The following ERFL variants were observed in gnomAD, a reference collection of about 807,000 sequenced individuals.
The protein encoded by ERFL is ETS domain-containing transcription factor ERF-like.
Under a neutral mutation model 27.9 loss-of-function variants are expected in ERFL, and 8 were observed. That is an observed-to-expected ratio of 0.29 (90% confidence interval 0.17 to 0.52). The LOEUF (loss-of-function observed/expected upper bound fraction) is 0.52, where lower values mean the gene tolerates loss of function less well. Among genes scored for constraint, ERFL ranks in the 20% least tolerant of loss-of-function variants. The pLI, the probability that ERFL is intolerant of heterozygous loss-of-function variation, is 0.97. For missense variants in ERFL, 294 were observed against 444.4 expected (o/e 0.66, Z 3.04); for synonymous variants, 174 against 202.8 (o/e 0.86, Z 1.21).
Position 41,928,332 on chromosome 19 carries a change from A to T in ERFL, c.-306T>A, listed in dbSNP as rs2074884310. The stretch of plus-strand genomic sequence containing the variant: ...GAGAGAGACAGCGAGATAGACGCGC[A>T]AAGAGAGCAGAGACGGGGAGAGCTG... On this transcript the variant is annotated 5_prime_UTR_variant, in exon 1 of 6. Transcript: ENST00000597630. 6.6e-6 allele frequency: 1 copy of T among 152,180 alleles called. No homozygotes were observed. Among genetic ancestry groups the T allele is most frequent in the Admixed American group, 6.6e-5 (1 of 15,258 alleles). 9.4% of individuals were successfully genotyped at this position (152,180 alleles called of 1,614,324 possible). A position where few individuals can be genotyped will look rare whatever the true frequency, so the allele number is the denominator to read the frequency against.
At chr19:41,927,610 A>C (rs573644462) in intron 1 of ERFL, among the ~76,000 whole-genome samples, 2 of 152,042 alleles carry the variant, frequency 1.3e-5, no homozygotes, top group East Asian at 3.9e-4. Context: ...CTAGGTCCCA[A>C]ATATGCAAGC....
Position 41,917,040 on chromosome 19 carries a change from C to G in ERFL, c.-13-4108G>C, listed in dbSNP as rs1385073229. Among the ~76,000 whole-genome samples, 2 of 152,102 alleles carry G rather than the reference C, an allele frequency of 1.3e-5. No individual in the cohort carries two copies. The highest frequency in any genetic ancestry group is 2.9e-5 in the Non-Finnish European group (2 of 68,026). ...TGTGTGTGTGTGCACATATGTGACA[C>G]GTGCCCTTGTCTCAGACCTGCTTCT... is the stretch of plus-strand genomic sequence containing the variant. On this transcript the variant is annotated intron_variant, in intron 1 of 5. Transcript: ENST00000597630. The surrounding 1 kb of genome is among the most constrained non-coding windows in gnomAD (Gnocchi z 4.8).
At chr19:41,911,043 A>C (rs1555851204) in intron 2 of ERFL, among the ~76,000 whole-genome samples, 2 of 152,196 alleles carry the variant, frequency 1.3e-5, no homozygotes, top group African/African-American at 4.8e-5. Flanking sequence ...GACGGTGAAC[A>C]CAGCACCAAG....
chr19:41,927,557 T>A (rs1048911807), intron 1 of ERFL, among the ~76,000 whole-genome samples: 12 of 152,056 alleles, frequency 7.9e-5, no homozygotes, highest in Admixed American at 1.3e-4. Context: ...CTCAGATATC[T>A]AGATCTTCCG....
Position 41,908,510 on chromosome 19 carries a change from G to A in ERFL, c.783C>T (p.Gly261=). The A allele has an allele frequency of 2.4e-6, 3 of 1,231,730 alleles. No homozygotes were observed. The highest frequency in any genetic ancestry group is 3.0e-6 in the Non-Finnish European group (3 of 987,998). The allele number at this position is 1,231,730 out of a possible 1,614,324, so 76.3% of individuals were successfully genotyped here. A position where few individuals can be genotyped will look rare whatever the true frequency, so the allele number is the denominator to read the frequency against. ...FYPNPLASSL[G]HLPSSGAGGG... ...CCCCTGCCCCTGACGAGGGCAGGTG[G>A]CCCAGGGAACTGGCCAGAGGGTTGG... is the stretch of plus-strand genomic sequence containing the variant. The change falls in exon 6 of 6, where the codon GGC becomes GGT. Residue 261 remains glycine (G), a synonymous_variant. Coordinates refer to ENST00000597630, the MANE Select transcript of ERFL (RefSeq NM_001365103.2). This position sits in a 1 kb window ranked among gnomAD's most constrained non-coding sequence, Gnocchi z 6.7.
intron 1 of ERFL, among the ~76,000 whole-genome samples, chr19:41,920,303 A>G (rs1251022457): frequency 6.9e-6 from 1 of 145,560 alleles, no homozygotes; most frequent in African/African-American, 2.5e-5. Flanking sequence ...ACATGCGCTC[A>G]CAGACATGAC....
rs1354706315 is a variant in ERFL at position 41,910,512 on chromosome 19, C to A, written c.68-415G>T. ...AGTCTCTTGTACCCTGCGGTGCCCT[C>A]AGCTCTTACTGTCTCTGTTCCCCAT... is the stretch of plus-strand genomic sequence containing the variant. On this transcript the variant is annotated intron_variant, in intron 2 of 5. Coordinates refer to ENST00000597630, the MANE Select transcript of ERFL (RefSeq NM_001365103.2). The surrounding 1 kb of genome is among the most constrained non-coding windows in gnomAD (Gnocchi z 4.4). Among the ~76,000 whole-genome samples, 4 of 152,146 alleles carry A rather than the reference C, an allele frequency of 2.6e-5. No individual in the cohort carries two copies. The highest frequency in any genetic ancestry group is 4.8e-5 in the African/African-American group (2 of 41,428).
chr19:41,927,818 G>A (rs1260224323), intron 1 of ERFL, among the ~76,000 whole-genome samples: 1 of 147,122 alleles, frequency 6.8e-6, no homozygotes, highest in African/African-American at 2.5e-5. Flanking sequence ...CCCCTGTCCC[G>A]AGGCCGCACC....
intron 1 of ERFL, among the ~76,000 whole-genome samples, chr19:41,918,034 CT>C (rs1334135268): frequency 2.0e-5 from 3 of 151,918 alleles, no homozygotes; most frequent in Non-Finnish European, 4.4e-5. Flanking sequence ...GACCCTGTGC[CT>C]GTCTTGGAGA....
At chr19:41,922,611 G>A (rs782163901) in intron 1 of ERFL, among the ~76,000 whole-genome samples, 8 of 152,244 alleles carry the variant, frequency 5.3e-5, no homozygotes, top group South Asian at 2.1e-4. Flanking sequence ...TCCGAGGGAC[G>A]AGGGACCAGA....
intron 1 of ERFL, among the ~76,000 whole-genome samples, chr19:41,919,526 C>CACAA (rs1340903039): frequency 2.0e-5 from 3 of 151,926 alleles, no homozygotes; most frequent in African/African-American, 7.3e-5. Context: ...CACACACACA[C>CACAA]ACACACACAC....
intron 1 of ERFL, among the ~76,000 whole-genome samples, chr19:41,926,185 G>T (rs1048385390): frequency 1.1e-4 from 17 of 151,970 alleles, no homozygotes; most frequent in Non-Finnish European, 1.5e-5. Context: ...TAGAGAACAG[G>T]TATTACCTGG....
chr19:41,914,322 C>A (rs1555851567), intron 1 of ERFL, among the ~76,000 whole-genome samples: 1 of 151,352 alleles, frequency 6.6e-6, no homozygotes, highest in Admixed American at 6.6e-5. Flanking sequence ...CTTCCGTCTC[C>A]CCCCACCATC....
rs1257916616 is a variant in ERFL, at chr19:41,912,838, G to T, written c.67+15C>A. 2.2e-4 allele frequency: 256 copies of T among 1,150,438 alleles called. 1 individual carries two copies. Among genetic ancestry groups the T allele is most frequent in the Non-Finnish European group, 2.4e-4 (215 of 914,090 alleles). 71.3% of individuals were successfully genotyped at this position (1,150,438 alleles called of 1,614,324 possible). ...AGGGGTGGGGGAAGGGGTGGGGGAG[G>T]TCCGGGCCAGTTACCGGGGGTCCAG... On this transcript the variant is annotated intron_variant, in intron 2 of 5. Coordinates refer to ENST00000597630, the MANE Select transcript of ERFL (RefSeq NM_001365103.2).
Position 41,916,302 on chromosome 19 carries a change from G to A in ERFL, c.-13-3370C>T, listed in dbSNP as rs893798235. On this transcript the variant is annotated intron_variant, in intron 1 of 5. Coordinates refer to ENST00000597630, the MANE Select transcript of ERFL (RefSeq NM_001365103.2). The surrounding 1 kb of genome is among the most constrained non-coding windows in gnomAD (Gnocchi z 5.4). ...TCAACAAAGTCACACACAGCACCAC[G>A]TCCCACACAACACATCACACACACC... Among the ~76,000 whole-genome samples the A allele has an allele frequency of 6.6e-6, 1 of 151,188 alleles. No homozygotes were observed. The highest frequency in any genetic ancestry group is 1.5e-5 in the Non-Finnish European group (1 of 67,824).
At position 41,921,299 on chromosome 19, in the gene ERFL, A is replaced by G. The variant is rs2074841003; in HGVS notation, c.-14+6741T>C. Among the ~76,000 whole-genome samples, 1 of 151,880 alleles carries G rather than the reference A, an allele frequency of 6.6e-6. No individual in the cohort carries two copies. On this transcript the variant is annotated intron_variant, in intron 1 of 5. Coordinates refer to ENST00000597630, the MANE Select transcript of ERFL (RefSeq NM_001365103.2). The surrounding 1 kb of genome is among the most constrained non-coding windows in gnomAD (Gnocchi z 4.4). ...GACATGCAGGGAGGAAGAGAGACCGAGGGGGTGGAGCGTGATACATGGAGA... is the reference window on the plus strand; with the variant it reads ...GACATGCAGGGAGGAAGAGAGACCGGGGGGGTGGAGCGTGATACATGGAGA...
chr19:41,928,153 T>TG lies in ERFL; in HGVS notation c.-128dup, dbSNP rs1216080990. On this transcript the variant is annotated 5_prime_UTR_variant, in exon 1 of 6. Transcript: ENST00000597630. ...GGGGGCACCGGGGCGAGGGGCGGGG[T>TG]GGGGGGAGATGCCCGGAGCCCCGGG... 2 of 146,396 alleles carry TG rather than the reference T, an allele frequency of 1.4e-5. No homozygotes were observed. Among genetic ancestry groups the TG allele is most frequent in the East Asian group, 2.1e-4 (1 of 4,876 alleles). 9.1% of individuals were successfully genotyped at this position (146,396 alleles called of 1,614,324 possible).
At chr19:41,918,009 C>G (rs540681591) in intron 1 of ERFL, among the ~76,000 whole-genome samples, 2 of 152,036 alleles carry the variant, frequency 1.3e-5, no homozygotes, top group Non-Finnish European at 2.9e-5. Flanking sequence ...GGCCGGCCCT[C>G]GACAGGCACC....
intron 1 of ERFL, among the ~76,000 whole-genome samples, chr19:41,922,364 A>G (rs571470488): frequency 2.0e-5 from 3 of 152,296 alleles, no homozygotes; most frequent in Admixed American, 6.5e-5. Context: ...GAGGAGGGCA[A>G]AGAGACAGGG....
Sources: allele counts gnomAD v4.1 joint callset (sites outside exome capture counted in the v4.1 genomes callset), GRCh38; gene constraint gnomAD v4.1.1; non-coding constraint Gnocchi (gnomAD v3.1); transcripts MANE v1.5; gene names NCBI Gene and HGNC (gene_info 2026-07-23, HGNC 2026-07-21).